Variants in LGR4 observed in about 807,000 individuals in gnomAD.
LGR4 encodes leucine-rich repeat-containing G protein-coupled receptor 4.
A neutral mutation model predicts 84.8 loss-of-function variants in LGR4; 44 were observed. The observed-to-expected ratio is 0.52, with a 90% CI of 0.41 to 0.67. The LOEUF (loss-of-function observed/expected upper bound fraction) is 0.67. LGR4 is among the 30% of genes least tolerant of loss of function. The pLI is 0.00. For missense variants in LGR4, 1,032 were observed against 1,131.4 expected (o/e 0.91, Z 1.26); for synonymous variants, 429 against 434.3 (o/e 0.99, Z 0.15).
chr11:27,424,357 T>C (rs1311555844), intron 1 of LGR4, among the ~76,000 whole-genome samples: 2 of 151,990 alleles, frequency 1.3e-5, no homozygotes, highest in Non-Finnish European at 2.9e-5. Context: ...CTCAGCAACA[T>C]AGTGAGGCTG....
At chr11:27,428,924 T>A (rs1213301779) in intron 1 of LGR4, among the ~76,000 whole-genome samples, 5 of 152,134 alleles carry the variant, frequency 3.3e-5, no homozygotes, top group Admixed American at 6.5e-5. Context: ...TTTGTCCATG[T>A]AGCCGGTAGA....
At chr11:27,464,202 C>A (rs975300259) in intron 1 of LGR4, among the ~76,000 whole-genome samples, 1 of 152,184 alleles carries the variant, frequency 6.6e-6, no homozygotes, top group Non-Finnish European at 1.5e-5. Context: ...GGTTTGCACA[C>A]AGGAGAAGGC....
intron 1 of LGR4, among the ~76,000 whole-genome samples, chr11:27,470,614 C>T (rs2094149529): frequency 6.6e-6 from 1 of 151,820 alleles, no homozygotes; most frequent in Admixed American, 6.6e-5. Flanking sequence ...CAATCAATTC[C>T]TGCTCAAACT....
intron 1 of LGR4, among the ~76,000 whole-genome samples, chr11:27,463,257 TAA>T (rs1261469652): frequency 2.0e-5 from 3 of 150,876 alleles, no homozygotes; most frequent in African/African-American, 2.4e-5. Context: ...GTCTCAAAAA[TAA>T]AAAGACTGGG....
At chr11:27,389,309 C>T (rs569608059) in intron 4 of LGR4, among the ~76,000 whole-genome samples, 79 of 152,052 alleles carry the variant, frequency 5.2e-4, no homozygotes, top group African/African-American at 1.8e-3. Flanking sequence ...CATCCCAAAG[C>T]CTTTAAAAAA....
chr11:27,416,056 T>C (rs188873035), intron 1 of LGR4, among the ~76,000 whole-genome samples: 11 of 152,290 alleles, frequency 7.2e-5, no homozygotes, highest in Admixed American at 5.2e-4. Flanking sequence ...AGCCAGAAGA[T>C]GCTCCTACAG....
intron 1 of LGR4, among the ~76,000 whole-genome samples, chr11:27,443,540 T>C (rs928356653): frequency 5.3e-5 from 8 of 152,198 alleles, no homozygotes; most frequent in African/African-American, 1.9e-4. Flanking sequence ...AGCTTACAAA[T>C]GTACAAATTA....
intron 2 of LGR4, among the ~76,000 whole-genome samples, chr11:27,408,075 T>C (rs977529903): frequency 6.6e-6 from 1 of 152,144 alleles, no homozygotes; most frequent in African/African-American, 2.4e-5. Flanking sequence ...TTATCATGGA[T>C]TGAATTACAT....
intron 2 of LGR4, among the ~76,000 whole-genome samples, chr11:27,394,918 G>A (rs991353206): frequency 3.9e-5 from 6 of 152,044 alleles, no homozygotes; most frequent in African/African-American, 1.4e-4. Flanking sequence ...CCACCAACAT[G>A]CCAATTCATG....
chr11:27,444,748 T>C (rs1466932790), intron 1 of LGR4, among the ~76,000 whole-genome samples: 1 of 152,224 alleles, frequency 6.6e-6, no homozygotes, highest in Non-Finnish European at 1.5e-5. Flanking sequence ...GGCTGTTGTG[T>C]TCACTTTTAA....
intron 1 of LGR4, among the ~76,000 whole-genome samples, chr11:27,459,409 C>T (rs1864637916): frequency 6.6e-6 from 1 of 152,098 alleles, no homozygotes; most frequent in African/African-American, 2.4e-5. Flanking sequence ...TTGGATGTCA[C>T]AGCGGGGGGT....
In LGR4 at chr11:27,366,546, A is replaced by G. The variant is rs1825743796; in HGVS notation, c.*1321T>C. ...GCTGGATTTTTTTAGTATATTCAGA[A>G]TAACTAATATGGCAGTGGGTTTGCT... On this transcript the variant is annotated 3_prime_UTR_variant, in exon 18 of 18. Coordinates refer to ENST00000379214, the MANE Select transcript of LGR4 (RefSeq NM_018490.5). 6.6e-6 allele frequency: 1 copy of G among 152,556 alleles called. No homozygotes were observed. Among genetic ancestry groups the G allele is most frequent in the African/African-American group, 2.4e-5 (1 of 41,440 alleles). 9.5% of individuals were successfully genotyped at this position (152,556 alleles called of 1,614,324 possible).
At chr11:27,407,735 G>A (rs1403039004) in intron 2 of LGR4, among the ~76,000 whole-genome samples, 1 of 152,052 alleles carries the variant, frequency 6.6e-6, no homozygotes, top group East Asian at 1.9e-4. Context: ...AAGAATTGTA[G>A]ATCAGGTGAT....
intron 1 of LGR4, among the ~76,000 whole-genome samples, chr11:27,441,434 A>G (rs1450012782): frequency 1.3e-5 from 2 of 152,216 alleles, no homozygotes; most frequent in African/African-American, 4.8e-5. Flanking sequence ...GGCATGGGTG[A>G]CTAAATAAGA....
chr11:27,380,835 C>A, intron 8 of LGR4, 60 bp downstream of exon 8: 2 of 1,209,294 alleles, frequency 1.7e-6, no homozygotes, highest in Non-Finnish European at 1.2e-6. Flanking sequence ...GGGTGTTTGG[C>A]ATTGTACGGA....
intron 2 of LGR4, among the ~76,000 whole-genome samples, chr11:27,410,189 G>A (rs1863684304): frequency 6.6e-6 from 1 of 152,146 alleles, no homozygotes; most frequent in South Asian, 2.1e-4. Flanking sequence ...TAGAGGGTCT[G>A]TCAACTTTGA....
intron 7 of LGR4, 45 bp from the exon 8 acceptor site, chr11:27,381,011 G>T: frequency 9.2e-7 from 1 of 1,086,182 alleles, no homozygotes; most frequent in Non-Finnish European, 1.4e-6. Flanking sequence ...TTATCCTCTT[G>T]CGAAATAAAA....
At chr11:27,468,899 T>C (rs1261424091) in intron 1 of LGR4, among the ~76,000 whole-genome samples, 1 of 152,118 alleles carries the variant, frequency 6.6e-6, no homozygotes, top group Non-Finnish European at 1.5e-5. Flanking sequence ...TCAAACACCG[T>C]AGCAATAACA....
chr11:27,379,316 C>T (rs1863046715), intron 10 of LGR4: 1 of 153,108 alleles, frequency 6.5e-6, no homozygotes, highest in South Asian at 2.1e-4. Flanking sequence ...ACAGACCATG[C>T]TATTTGTCCT....
Sources: allele counts gnomAD v4.1 joint callset (sites outside exome capture counted in the v4.1 genomes callset), GRCh38; gene constraint gnomAD v4.1.1; transcripts MANE v1.5; gene names NCBI Gene and HGNC (gene_info 2026-07-23, HGNC 2026-07-21).